Variants in CADPS2 observed in about 807,000 individuals in gnomAD.
CADPS2 encodes calcium-dependent secretion activator 2.
A neutral mutation model predicts 172.5 loss-of-function variants in CADPS2; 93 were observed. The observed-to-expected ratio is 0.54, with a 90% confidence interval of 0.46 to 0.64. The LOEUF is 0.64. Among genes scored for constraint, CADPS2 ranks in the 30% least tolerant of loss-of-function variants. The pLI, the probability that CADPS2 is intolerant of heterozygous loss-of-function variation, is 0.00. For missense variants in CADPS2, 1,420 were observed against 1,565.9 expected (o/e 0.91, Z 1.57); for synonymous variants, 546 against 555.2 (o/e 0.98, Z 0.23).
chr7:122,374,791 G>A (rs373549854), intron 25 of CADPS2, among the ~76,000 whole-genome samples: 4 of 152,118 alleles, frequency 2.6e-5, no homozygotes, highest in African/African-American at 9.7e-5. Flanking sequence ...GCTGATGGGT[G>A]CAACAACCAC....
intron 2 of CADPS2, among the ~76,000 whole-genome samples, chr7:122,711,414 T>A (rs2088697585): frequency 6.6e-6 from 1 of 152,146 alleles, no homozygotes; most frequent in Non-Finnish European, 1.5e-5. Flanking sequence ...GAGTCATTAT[T>A]AAGAGAAAAC....
intron 1 of CADPS2, among the ~76,000 whole-genome samples, chr7:122,809,443 T>C (rs934155930): frequency 8.7e-5 from 13 of 148,742 alleles, no homozygotes; most frequent in Non-Finnish European, 1.6e-4. Flanking sequence ...TAGGCAGGCA[T>C]GGTGGTGGGT....
chr7:122,492,158 C>T (rs931123267), intron 9 of CADPS2, among the ~76,000 whole-genome samples: 9 of 151,240 alleles, frequency 6.0e-5, no homozygotes, highest in Non-Finnish European at 1.2e-4. Flanking sequence ...GACGACAGAG[C>T]GAGACTCCAT....
At chr7:122,708,461 G>T (rs1218689774) in intron 2 of CADPS2, among the ~76,000 whole-genome samples, 16 of 128,236 alleles carry the variant, frequency 1.2e-4, no homozygotes, top group Non-Finnish European at 1.8e-4. Flanking sequence ...TATGTGTGTG[G>T]ATATATATAT....
intron 7 of CADPS2, among the ~76,000 whole-genome samples, chr7:122,565,212 C>A (rs2132331485): frequency 6.6e-6 from 1 of 150,988 alleles, no homozygotes; most frequent in South Asian, 2.1e-4. Flanking sequence ...TGCACTTATA[C>A]CCCCTGAATT....
At chr7:122,754,196 A>G (rs543210641) in intron 1 of CADPS2, among the ~76,000 whole-genome samples, 38 of 152,288 alleles carry the variant, frequency 2.5e-4, no homozygotes, top group Non-Finnish European at 5.0e-4. Context: ...AACTGTCCCT[A>G]TTAACAAAGT....
intron 28 of CADPS2, among the ~76,000 whole-genome samples, chr7:122,344,159 C>G (rs2037213087): frequency 6.6e-6 from 1 of 152,206 alleles, no homozygotes. Context: ...ACTGCCACAG[C>G]TGAAGTGTCA....
chr7:122,486,170 A>G (rs1225563375), intron 11 of CADPS2, among the ~76,000 whole-genome samples: 1 of 152,130 alleles, frequency 6.6e-6, no homozygotes, highest in Non-Finnish European at 1.5e-5. Context: ...TCAAGGAGTA[A>G]TTTCAACTTT....
intron 14 of CADPS2, among the ~76,000 whole-genome samples, chr7:122,463,079 G>A (rs748099903): frequency 5.3e-5 from 8 of 152,100 alleles, no homozygotes; most frequent in Non-Finnish European, 1.0e-4. Flanking sequence ...GATCAAACAG[G>A]CAAGAATTAG....
chr7:122,773,423 C>T (rs1280229355), intron 1 of CADPS2, among the ~76,000 whole-genome samples: 1 of 151,958 alleles, frequency 6.6e-6, no homozygotes, highest in East Asian at 1.9e-4. Context: ...CAGCACTAAA[C>T]TGCTGATAAT....
intron 19 of CADPS2, among the ~76,000 whole-genome samples, chr7:122,408,653 C>T (rs2046957122): frequency 6.6e-6 from 1 of 152,184 alleles, no homozygotes. Context: ...TCTCCAACTC[C>T]TGGCCTCAAG....
chr7:122,584,979 G>A (rs1056857142), intron 6 of CADPS2, among the ~76,000 whole-genome samples: 2 of 151,822 alleles, frequency 1.3e-5, no homozygotes, highest in African/African-American at 2.4e-5. Context: ...GTACATTATT[G>A]TATTTATGGC....
intron 8 of CADPS2, among the ~76,000 whole-genome samples, chr7:122,526,825 C>T (rs771426608): frequency 1.3e-5 from 2 of 152,146 alleles, no homozygotes; most frequent in African/African-American, 2.4e-5. Flanking sequence ...GATTGTTTGA[C>T]TAATGTTTAC....
intron 2 of CADPS2, among the ~76,000 whole-genome samples, chr7:122,734,964 A>G (rs1216317390): frequency 6.6e-6 from 1 of 152,178 alleles, no homozygotes; most frequent in Non-Finnish European, 1.5e-5. Flanking sequence ...CAATGCTTAC[A>G]TCTCTTTCTG....
intron 1 of CADPS2, among the ~76,000 whole-genome samples, chr7:122,861,414 GTCT>G (rs2141292205): frequency 6.6e-6 from 1 of 152,244 alleles, no homozygotes. Flanking sequence ...TTTGAGAAAT[GTCT>G]ATTCAGATTG....
At chr7:122,571,989 C>T (rs2067329031) in intron 7 of CADPS2, among the ~76,000 whole-genome samples, 1 of 152,078 alleles carries the variant, frequency 6.6e-6, no homozygotes, top group Non-Finnish European at 1.5e-5. Context: ...CCTTAACTCT[C>T]ACAGACAAAA....
At chr7:122,824,382 C>T (rs1804274911) in intron 1 of CADPS2, among the ~76,000 whole-genome samples, 1 of 152,168 alleles carries the variant, frequency 6.6e-6, no homozygotes, top group South Asian at 2.1e-4. Flanking sequence ...TGAATTTGAA[C>T]TCATAGGCAA....
intron 19 of CADPS2, among the ~76,000 whole-genome samples, chr7:122,408,180 A>ATTTT (rs35514146): frequency 1.0e-3 from 148 of 141,492 alleles, no homozygotes; most frequent in African/African-American, 3.5e-3. Context: ...ATATACTGTT[A>ATTTT]TTTTTTTTTT....
chr7:122,510,677 T>C (rs558896825), intron 9 of CADPS2, among the ~76,000 whole-genome samples: 1 of 152,208 alleles, frequency 6.6e-6, no homozygotes, highest in Non-Finnish European at 1.5e-5. Context: ...GGGTATACTG[T>C]CCTCCCTGTG....
Sources: gnomAD v4.1 joint callset for allele counts (sites outside exome capture counted in the v4.1 genomes callset) on GRCh38, gnomAD v4.1.1 for gene constraint, MANE v1.5 for transcripts, NCBI Gene and HGNC (gene_info 2026-07-23, HGNC 2026-07-21) for gene names.